Variants in DYM observed in about 807,000 individuals in gnomAD.
DYM encodes the protein dymeclin, also known as dyggve-Melchior-Clausen syndrome protein.
Under a neutral mutation model 93.1 loss-of-function variants are expected in DYM, and 78 were observed. The observed-to-expected ratio is 0.84, with a 90% CI of 0.70 to 1.01. The LOEUF (loss-of-function observed/expected upper bound fraction) is 1.01. DYM is among the 50% of genes least tolerant of loss of function. The pLI is 0.00. For synonymous variants in DYM, 321 were observed against 319.7 expected (o/e 1.00, Z -0.04); for missense variants, 789 against 845.0 (o/e 0.93, Z 0.82).
chr18:49,222,324 T>G (rs146323697), intron 13 of DYM, among the ~76,000 whole-genome samples: 18 of 152,234 alleles, frequency 1.2e-4, no homozygotes, highest in African/African-American at 3.8e-4. Context: ...CTTTGTCCAT[T>G]GAAGAGACCT....
intron 1 of DYM, among the ~76,000 whole-genome samples, chr18:49,456,907 G>T (rs2083029605): frequency 6.6e-6 from 1 of 152,200 alleles, no homozygotes; most frequent in African/African-American, 2.4e-5. Context: ...CAGAAAGCCA[G>T]AACCTTCACA....
chr18:49,145,189 A>C (rs1429059778), intron 15 of DYM, among the ~76,000 whole-genome samples: 1 of 145,288 alleles, frequency 6.9e-6, no homozygotes, highest in Non-Finnish European at 1.5e-5. Flanking sequence ...CAAAATTAGA[A>C]TATTTCACAA....
At chr18:49,369,663 T>C (rs2066820572) in intron 5 of DYM, among the ~76,000 whole-genome samples, 1 of 152,246 alleles carries the variant, frequency 6.6e-6, no homozygotes, top group Admixed American at 6.5e-5. Flanking sequence ...TTTGCTGATA[T>C]TTTATTGGAG....
At chr18:49,232,431 G>A (rs2093724476) in intron 13 of DYM, among the ~76,000 whole-genome samples, 1 of 149,944 alleles carries the variant, frequency 6.7e-6, no homozygotes, top group Non-Finnish European at 1.5e-5. Flanking sequence ...AGCCTCCCGA[G>A]TAGCTAGGAC....
chr18:49,400,133 G>A (rs777323872), intron 2 of DYM, among the ~76,000 whole-genome samples: 8 of 151,654 alleles, frequency 5.3e-5, no homozygotes, highest in South Asian at 2.1e-4. Flanking sequence ...TAGAGACGAC[G>A]TTTCACCATG....
At chr18:49,246,338 G>A (rs2094165989) in intron 13 of DYM, among the ~76,000 whole-genome samples, 1 of 152,140 alleles carries the variant, frequency 6.6e-6, no homozygotes, top group South Asian at 2.1e-4. Flanking sequence ...ACACAACACT[G>A]TTTCTTTGTC....
At position 49,152,434 on chromosome 18, in the gene DYM, T is replaced by C. The variant is rs191176503; in HGVS notation, c.1728+11251A>G. 1.8e-3 allele frequency among the ~76,000 whole-genome samples: 271 copies of C among 152,308 alleles called. 3 individuals are homozygous for C. The highest frequency in any genetic ancestry group is 0.017 in the Middle Eastern group (5 of 294). On this transcript the variant is annotated intron_variant, in intron 15 of 17. Coordinates refer to ENST00000675505, the MANE Select transcript of DYM (RefSeq NM_001353214.3). ...ACACAAGCACGAAAATTGGTTGTCT[T>C]ATGTCAAAGTCAGGCCTGGCTTTTC...
chr18:49,161,799 CTTTG>C lies in DYM; in HGVS notation c.1728+1882_1728+1885del, dbSNP rs760493323. Among the ~76,000 whole-genome samples the C allele has an allele frequency of 3.9e-5, 6 of 152,304 alleles. No individual in the cohort carries two copies. The Middle Eastern group carries it at 0.01, about 259-fold the overall frequency. Reference sequence around the variant, plus strand: ...TCAGGCTGTGGCTGCACACAGCTATCTTTGTTTATCATTGACTGATATCTGGACT... The same window carrying C: ...TCAGGCTGTGGCTGCACACAGCTATCTTTATCATTGACTGATATCTGGACT... On this transcript the variant is annotated intron_variant, in intron 15 of 17. Coordinates refer to ENST00000675505, the MANE Select transcript of DYM (RefSeq NM_001353214.3).
chr18:49,062,198 C>T lies in DYM; in HGVS notation c.2026-17994G>A, dbSNP rs549960443. On this transcript the variant is annotated intron_variant, in intron 17 of 17. Coordinates refer to ENST00000675505, the MANE Select transcript of DYM (RefSeq NM_001353214.3). ...GGAGAGAGAGACTGGGAGAAAGTCC[C>T]AATACACATTTCTGAAGGAAGGAGG... is the stretch of plus-strand genomic sequence containing the variant. 2.0e-5 allele frequency among the ~76,000 whole-genome samples: 3 copies of T among 152,316 alleles called. No individual in the cohort carries two copies. In the East Asian group the frequency reaches 5.8e-4, roughly 29 times the overall value.
intron 13 of DYM, among the ~76,000 whole-genome samples, chr18:49,237,909 T>TC (rs893131470): frequency 2.0e-5 from 3 of 152,124 alleles, no homozygotes; most frequent in African/African-American, 7.2e-5. Flanking sequence ...TACTCTTTTT[T>TC]TTTTTTTACA....
intron 14 of DYM, among the ~76,000 whole-genome samples, chr18:49,206,929 C>T (rs1363418497): frequency 6.6e-6 from 1 of 152,198 alleles, no homozygotes; most frequent in Admixed American, 6.5e-5. Flanking sequence ...ATAAATTCTA[C>T]ACTGACTCAG....
At chr18:49,454,528 A>G (rs2082801475) in intron 1 of DYM, among the ~76,000 whole-genome samples, 1 of 151,904 alleles carries the variant, frequency 6.6e-6, no homozygotes, top group Admixed American at 6.6e-5. Flanking sequence ...AGCCTTCCCC[A>G]CACACTCTGT....
chr18:49,350,013 A>C (rs1019163208), intron 6 of DYM, among the ~76,000 whole-genome samples: 2 of 152,212 alleles, frequency 1.3e-5, no homozygotes, highest in Non-Finnish European at 2.9e-5. Flanking sequence ...AAAATTTTAT[A>C]ATGTACAATG....
At chr18:49,071,627 C>A (rs1324917033) in intron 17 of DYM, among the ~76,000 whole-genome samples, 1 of 152,194 alleles carries the variant, frequency 6.6e-6, no homozygotes, top group African/African-American at 2.4e-5. Flanking sequence ...GGAGCTACAA[C>A]AGTCAAGGGT....
chr18:49,379,296 G>A (rs370104661), intron 4 of DYM, among the ~76,000 whole-genome samples: 8 of 151,856 alleles, frequency 5.3e-5, no homozygotes, highest in African/African-American at 1.2e-4. Flanking sequence ...AGAATATAAC[G>A]GAAATAACTG....
At chr18:49,430,748 G>T (rs2074736023) in intron 1 of DYM, among the ~76,000 whole-genome samples, 1 of 152,064 alleles carries the variant, frequency 6.6e-6, no homozygotes, top group African/African-American at 2.4e-5. Context: ...AGCTGGGCGT[G>T]GTGGCACGCA....
chr18:49,144,308 G>C (rs2084845711), intron 15 of DYM, among the ~76,000 whole-genome samples: 1 of 146,708 alleles, frequency 6.8e-6, no homozygotes, highest in African/African-American at 2.6e-5. Context: ...TTAGTTTTTG[G>C]GTTTTTTTTT....
intron 2 of DYM, among the ~76,000 whole-genome samples, chr18:49,410,373 GTAT>G (rs538615553): frequency 1.3e-5 from 2 of 151,954 alleles, no homozygotes; most frequent in Non-Finnish European, 2.9e-5. Context: ...GGATTTTTAA[GTAT>G]TATAAGAGGT....
intron 5 of DYM, among the ~76,000 whole-genome samples, chr18:49,363,968 TTTC>T (rs1284554257): frequency 6.6e-6 from 1 of 152,238 alleles, no homozygotes; most frequent in East Asian, 1.9e-4. Flanking sequence ...CATGAAATTC[TTTC>T]TTTTCTCAGT....
Sources: gnomAD v4.1 joint callset for allele counts (sites outside exome capture counted in the v4.1 genomes callset) on GRCh38, gnomAD v4.1.1 for gene constraint, MANE v1.5 for transcripts, NCBI Gene and HGNC (gene_info 2026-07-23, HGNC 2026-07-21) for gene names.